Variants in TRPM2 observed in about 807,000 individuals in gnomAD.
TRPM2 encodes the protein estrogen-responsive element-associated gene 1 protein.
A neutral mutation model predicts 174.0 loss-of-function variants in TRPM2; 161 were observed. The observed-to-expected ratio is 0.93, with a 90% CI of 0.81 to 1.05. TRPM2 has a LOEUF of 1.05. Among genes scored for constraint, TRPM2 ranks in the 50% least tolerant of loss-of-function variants. The pLI is 0.00. For synonymous variants in TRPM2, 954 were observed against 861.3 expected, an observed-to-expected ratio of 1.11 and a Z score of -1.88; for missense variants, 2,057 against 2,038.0, an observed-to-expected ratio of 1.01 and a Z score of -0.18.
rs1057215597 is a variant in TRPM2, at chr21:44,438,783, G to A, written c.4168-284G>A. ...GAAGGGGGTGCCCTGTCACCCTTGG[G>A]GAGTCTGAGCTCAGGGTGGGTACCC... On this transcript the variant is annotated intron_variant, in intron 29 of 31. Coordinates refer to ENST00000397928, the MANE Select transcript of TRPM2 (RefSeq NM_003307.4). The surrounding 1 kb of genome is among the most constrained non-coding windows in gnomAD (Gnocchi z 5.9). Among the ~76,000 whole-genome samples the A allele has an allele frequency of 6.6e-6, 1 of 152,132 alleles. No individual in the cohort carries two copies. The highest frequency in any genetic ancestry group is 1.5e-5 in the Non-Finnish European group (1 of 67,996).
intron 5 of TRPM2, among the ~76,000 whole-genome samples, chr21:44,371,336 C>T (rs1398875971): frequency 7.7e-6 from 1 of 129,548 alleles, no homozygotes; most frequent in Non-Finnish European, 1.6e-5. Flanking sequence ...CTCCGTGTCC[C>T]GTGGCCGCCT....
chr21:44,392,500 A>C (rs1297855542), intron 11 of TRPM2, among the ~76,000 whole-genome samples: 1 of 151,560 alleles, frequency 6.6e-6, no homozygotes, highest in African/African-American at 2.4e-5. Context: ...TCCGGGGCTC[A>C]AGTGATCCTC....
intron 27 of TRPM2, among the ~76,000 whole-genome samples, chr21:44,428,529 C>T (rs113256449): frequency 2.8e-5 from 4 of 144,792 alleles, no homozygotes; most frequent in Admixed American, 6.9e-5. Flanking sequence ...AGGTGTGGCT[C>T]CTCCCTGAGG....
chr21:44,368,639 C>T (rs1053708844), intron 4 of TRPM2, among the ~76,000 whole-genome samples: 3 of 151,940 alleles, frequency 2.0e-5, no homozygotes, highest in South Asian at 2.1e-4. Context: ...ACCATGTTGG[C>T]CAGGCTGGTC....
At chr21:44,415,907 T>C (rs1461937492) in intron 20 of TRPM2, 1 of 151,994 alleles carries the variant, frequency 6.6e-6, no homozygotes, top group African/African-American at 2.4e-5. Flanking sequence ...TTAGAACAAA[T>C]TAAATGCTGA....
intron 5 of TRPM2, 33 bp from the exon 6 acceptor site, chr21:44,375,800 G>C: frequency 6.3e-7 from 1 of 1,588,124 alleles, no homozygotes; most frequent in Non-Finnish European, 8.6e-7. Flanking sequence ...GAGCTTTCCA[G>C]AAGCAGTGTC....
At chr21:44,356,023 TA>T (rs2048047913) in intron 2 of TRPM2, among the ~76,000 whole-genome samples, 1 of 150,720 alleles carries the variant, frequency 6.6e-6, no homozygotes, top group African/African-American at 2.4e-5. Flanking sequence ...GTAGATGTTA[TA>T]AAAATAGTTA....
intron 30 of TRPM2, 115 bp from the exon 31 acceptor site, chr21:44,440,674 C>T (rs766065714): frequency 1.1e-6 from 1 of 885,232 alleles, no homozygotes; most frequent in Non-Finnish European, 1.9e-6. Context: ...GGGCCGGGGT[C>T]CTGTGTGTGC....
chr21:44,422,414 T>C, intron 22 of TRPM2: 2 of 1,536,056 alleles, frequency 1.3e-6, no homozygotes, highest in Admixed American at 2.0e-5. Context: ...TGGGAAAACA[T>C]GGCAGGTGCG....
chr21:44,419,762 TGGTG>T, intron 22 of TRPM2, among the ~76,000 whole-genome samples: 1 of 3,086 alleles, frequency 3.2e-4, no homozygotes, highest in African/African-American at 1.2e-3. Context: ...ATGGCAGTGG[TGGTG>T]GTGGTGGTGG....
intron 15 of TRPM2, among the ~76,000 whole-genome samples, chr21:44,400,930 C>T (rs976201981): frequency 2.6e-5 from 4 of 152,178 alleles, no homozygotes; most frequent in African/African-American, 9.7e-5. Flanking sequence ...TGGATGGAGG[C>T]TCAGGGTCTC....
intron 3 of TRPM2, 55 bp downstream of exon 3, chr21:44,364,337 G>C (rs950109464): frequency 1.5e-5 from 23 of 1,582,384 alleles, no homozygotes; most frequent in Non-Finnish European, 2.0e-5. Context: ...TGGCCCCACA[G>C]TGACACGCGG....
At chr21:44,425,913 A>G in intron 25 of TRPM2, 86 bp downstream of exon 25, 1 of 1,384,068 alleles carries the variant, frequency 7.2e-7, no homozygotes, top group Non-Finnish European at 9.4e-7. Flanking sequence ...ATCTGGTATT[A>G]ATCCTGGCTC....
intron 11 of TRPM2, among the ~76,000 whole-genome samples, chr21:44,393,555 T>C (rs1374341544): frequency 6.6e-6 from 1 of 152,172 alleles, no homozygotes; most frequent in Non-Finnish European, 1.5e-5. Context: ...GTAAAAACCA[T>C]TTGGGAAGCT....
chr21:44,391,521 G>GTGCTGCGGGAGC lies in TRPM2; in HGVS notation c.1696_1707dup (p.Arg566_Leu569dup). ...CCTGCAGATGCACCACGTGGCCCAG[G>GTGCTGCGGGAGC]TGCTGCGGGAGCTGCTGGGGGACTT... On this transcript the variant is annotated inframe_insertion, in exon 11 of 32. Coordinates refer to ENST00000397928, the MANE Select transcript of TRPM2 (RefSeq NM_003307.4). The surrounding 1 kb of genome is among the most constrained non-coding windows in gnomAD (Gnocchi z 5.0). 6.2e-7 allele frequency: 1 copy of GTGCTGCGGGAGC among 1,608,048 alleles called. No homozygotes were observed. Among genetic ancestry groups the GTGCTGCGGGAGC allele is most frequent in the Non-Finnish European group, 8.5e-7 (1 of 1,178,928 alleles).
rs777480090 is a variant in TRPM2, at chr21:44,369,328, C to T, written c.756C>T (p.Gly252=). 1.9e-6 allele frequency: 3 copies of T among 1,612,064 alleles called. No individual in the cohort carries two copies. The highest frequency in any genetic ancestry group is 2.2e-5 in the East Asian group (1 of 44,886). Residue 252 remains glycine, a synonymous_variant, in exon 5 of 32, where the codon GGC becomes GGT. Transcript: ENST00000397928. ...GGGGCACTGTCCACCGCCGCGAGGG[C>T]CTGATCCATCCCACGGTGAGTGCGG... ...ATWGTVHRRE[G]LIHPTGSFPA... is the part of the protein sequence containing the mutation.
intron 2 of TRPM2, 88 bp from the exon 3 acceptor site, chr21:44,364,026 C>T (rs921671903): frequency 9.1e-6 from 13 of 1,421,954 alleles, no homozygotes; most frequent in African/African-American, 1.4e-5. Flanking sequence ...GGGAAGGTTG[C>T]GGCTTTCCAC....
chr21:44,426,927 G>T (rs1601239658), intron 26 of TRPM2, 83 bp from the exon 27 acceptor site: 4 of 1,443,174 alleles, frequency 2.8e-6, no homozygotes, highest in Non-Finnish European at 3.8e-6. Flanking sequence ...CTGGGCCCTT[G>T]GTGGGGGGGT....
upstream of TRPM2, chr21:44,350,254 G>T: frequency 6.6e-6 from 1 of 151,892 alleles, no homozygotes; most frequent in South Asian, 1.9e-4. Flanking sequence ...GGTGACGCCG[G>T]GGCGCGGGCG....
Sources: gnomAD v4.1 joint callset for allele counts (sites outside exome capture counted in the v4.1 genomes callset) on GRCh38, gnomAD v4.1.1 for gene constraint, Gnocchi (gnomAD v3.1) non-coding constraint, MANE v1.5 for transcripts, NCBI Gene and HGNC (gene_info 2026-07-23, HGNC 2026-07-21) for gene names.